ANKS1B: variants seen among roughly 807,000 people sequenced by gnomAD.
ANKS1B encodes the protein ankyrin repeat and sterile alpha motif domain containing 1B, also known as ankyrin repeat and sterile alpha motif domain-containing protein 1B.
ANKS1B carries 36 observed loss-of-function variants against 148.3 expected under a neutral mutation model. The ratio of observed to expected loss-of-function variants is 0.24; its 90% CI spans 0.19 to 0.32. The LOEUF is 0.32. Among genes scored for constraint, ANKS1B ranks in the 10% least tolerant of loss-of-function variants. The probability of loss-of-function intolerance (pLI) is 1.00; values close to 1 mark genes in which losing one functional copy is unlikely to be tolerated. For synonymous variants in ANKS1B, 542 were observed against 560.8 expected, an observed-to-expected ratio of 0.97 and a Z score of 0.47; for missense variants, 1,157 against 1,542.6, an observed-to-expected ratio of 0.75 and a Z score of 4.19.
At chr12:98,741,735 C>T (rs1259773045), downstream of ANKS1B, among the ~76,000 whole-genome samples, 1 of 152,228 alleles carries the variant, frequency 6.6e-6, no homozygotes, top group East Asian at 1.9e-4. Context: ...ACACAGCACA[C>T]TGGCATTGTT....
In ANKS1B at chr12:99,337,560, C is replaced by A. The variant is rs185992086; in HGVS notation, c.1756+62071G>T. Among the ~76,000 whole-genome samples the A allele has an allele frequency of 1.5e-4, 23 of 152,162 alleles. No individual in the cohort carries two copies. In the East Asian group the frequency reaches 3.3e-3, roughly 22 times the overall value. On this transcript the variant is annotated intron_variant, in intron 12 of 26. Coordinates refer to ENST00000683438, the MANE Select transcript of ANKS1B (RefSeq NM_001352186.2). ...TGGATAGTCTTGATGCTTGTGGATA[C>A]CCATCCGTGTCCAGGAATTTAAGTT...
intron 9 of ANKS1B, among the ~76,000 whole-genome samples, chr12:99,569,332 T>C (rs986178625): frequency 1.3e-5 from 2 of 152,032 alleles, no homozygotes; most frequent in Non-Finnish European, 2.9e-5. Context: ...TGGACAGAAA[T>C]TGGTTGGAAT....
intron 12 of ANKS1B, among the ~76,000 whole-genome samples, chr12:99,269,051 T>C: frequency 6.6e-6 from 1 of 152,228 alleles, no homozygotes; most frequent in East Asian, 1.9e-4. Context: ...ACAATTCTAG[T>C]ATTACTTTAA....
chr12:99,328,727 C>A (rs1000296971), intron 12 of ANKS1B, among the ~76,000 whole-genome samples: 2 of 151,804 alleles, frequency 1.3e-5, no homozygotes, highest in African/African-American at 4.8e-5. Flanking sequence ...TCAAAAATTA[C>A]AAGCATGAAA....
chr12:99,268,436 C>T (rs977030784), intron 12 of ANKS1B, among the ~76,000 whole-genome samples: 7 of 152,210 alleles, frequency 4.6e-5, no homozygotes, highest in South Asian at 2.1e-4. Context: ...AAAATCAGAC[C>T]GGCTAAGTTC....
At chr12:98,994,442 C>A (rs779331663) in intron 17 of ANKS1B, among the ~76,000 whole-genome samples, 18 of 152,080 alleles carry the variant, frequency 1.2e-4, no homozygotes, top group Non-Finnish European at 5.9e-5. Context: ...CATGGTGAAA[C>A]CCCGTCTCTA....
chr12:98,919,964 G>A (rs904178471), intron 17 of ANKS1B, among the ~76,000 whole-genome samples: 1 of 152,222 alleles, frequency 6.6e-6, no homozygotes, highest in African/African-American at 2.4e-5. Flanking sequence ...TCAACACTGA[G>A]TTCTCTGAAA....
chr12:98,945,505 C>CAAAAA (rs3051086), intron 17 of ANKS1B, among the ~76,000 whole-genome samples: 1,671 of 29,748 alleles, frequency 0.056, 34 homozygotes, highest in Middle Eastern at 0.083. Flanking sequence ...AACAAACAAA[C>CAAAAA]AAAAAAAAAA....
intron 19 of ANKS1B, among the ~76,000 whole-genome samples, chr12:98,819,123 C>T (rs2099164666): frequency 6.6e-6 from 1 of 152,120 alleles, no homozygotes; most frequent in South Asian, 2.1e-4. Flanking sequence ...CACTGATATA[C>T]TGAGTGGCAA....
chr12:99,589,155 G>A (rs932775530), intron 9 of ANKS1B, among the ~76,000 whole-genome samples: 3 of 152,202 alleles, frequency 2.0e-5, no homozygotes, highest in African/African-American at 7.2e-5. Context: ...CACAGTCATA[G>A]AGATGGGGTG....
chr12:99,075,463 C>T (rs1565911211), intron 16 of ANKS1B, among the ~76,000 whole-genome samples: 1 of 152,172 alleles, frequency 6.6e-6, no homozygotes, highest in Non-Finnish European at 1.5e-5. Context: ...GAATTTGGAG[C>T]TGTTTGTTAC....
Position 99,785,787 on chromosome 12 carries a change from T to C in ANKS1B, c.670-3690A>G, listed in dbSNP as rs183637682. On this transcript the variant is annotated intron_variant, in intron 4 of 26. Transcript: ENST00000683438. ...ATTAACCCAATCTAAAGTAGATAAG[T>C]ACATTATTAAGCAGGCTTGAGGAAC... Among the ~76,000 whole-genome samples the C allele has an allele frequency of 2.5e-3, 381 of 152,310 alleles. 3 individuals are homozygous for C. The highest frequency in any genetic ancestry group is 6.8e-3 in the Middle Eastern group (2 of 294).
chr12:99,551,426 T>A (rs760831336), intron 9 of ANKS1B, among the ~76,000 whole-genome samples: 1 of 151,790 alleles, frequency 6.6e-6, no homozygotes, highest in Non-Finnish European at 1.5e-5. Context: ...ACTATGGAAC[T>A]ATGATCTCCA....
At chr12:98,936,238 T>C (rs1015707343) in intron 17 of ANKS1B, among the ~76,000 whole-genome samples, 3 of 152,214 alleles carry the variant, frequency 2.0e-5, no homozygotes, top group Non-Finnish European at 2.9e-5. Context: ...CTAAAGTTCA[T>C]GGAAAGCATA....
chr12:99,198,831 C>T (rs2081702491), intron 14 of ANKS1B, among the ~76,000 whole-genome samples: 1 of 152,166 alleles, frequency 6.6e-6, no homozygotes, highest in African/African-American at 2.4e-5. Context: ...CCTCCCAATA[C>T]TGAATAGGTC....
intron 14 of ANKS1B, among the ~76,000 whole-genome samples, chr12:99,178,831 C>T (rs2078733414): frequency 6.6e-6 from 1 of 151,958 alleles, no homozygotes; most frequent in African/African-American, 2.4e-5. Context: ...ATAGTAAGAA[C>T]AAAAGTTCAT....
rs184563084 is a variant in ANKS1B, at chr12:99,903,017, C to T, written c.135-77628G>A. ...TTGACCTCAAGTGATCCACCCTCCT[C>T]GGCCTCCCAAAATGCTGGGACATGA... On this transcript the variant is annotated intron_variant, in intron 1 of 26. Coordinates refer to ENST00000683438, the MANE Select transcript of ANKS1B (RefSeq NM_001352186.2). Among the ~76,000 whole-genome samples the T allele has an allele frequency of 2.0e-3, 301 of 152,208 alleles. 2 individuals are homozygous for T. Among genetic ancestry groups the T allele is most frequent in the African/African-American group, 6.9e-3 (286 of 41,528 alleles).
chr12:99,501,242 C>T (rs899737597), intron 10 of ANKS1B, among the ~76,000 whole-genome samples: 1 of 151,820 alleles, frequency 6.6e-6, no homozygotes, highest in Non-Finnish European at 1.5e-5. Flanking sequence ...AGGTGTGGAT[C>T]GGCTCTTCCT....
chr12:99,963,763 A>G (rs1032564459), intron 1 of ANKS1B, among the ~76,000 whole-genome samples: 2 of 152,298 alleles, frequency 1.3e-5, no homozygotes, highest in East Asian at 3.9e-4. Context: ...AGCAATAATC[A>G]TTTTTATAAG....
Sources: gnomAD v4.1 joint callset for allele counts (sites outside exome capture counted in the v4.1 genomes callset) on GRCh38, gnomAD v4.1.1 for gene constraint, MANE v1.5 for transcripts, NCBI Gene and HGNC (gene_info 2026-07-23, HGNC 2026-07-21) for gene names.